The following QRSL1 variants were observed in gnomAD, a reference collection of about 807,000 sequenced individuals.
QRSL1 encodes glutamyl-tRNA(Gln) amidotransferase subunit A, mitochondrial.
QRSL1 carries 54 observed loss-of-function variants against 61.6 expected under a neutral mutation model. That is an observed-to-expected ratio of 0.88 (90% CI 0.70 to 1.10). The LOEUF (loss-of-function observed/expected upper bound fraction) is 1.10, where lower values mean the gene tolerates loss of function less well. Ranked by LOEUF, QRSL1 falls within the 50% of genes least tolerant of loss-of-function variation. The pLI, the probability that QRSL1 is intolerant of heterozygous loss-of-function variation, is 0.00. For missense variants in QRSL1, 505 were observed against 622.6 expected, an observed-to-expected ratio of 0.81 and a Z score of 2.01; for synonymous variants, 228 against 225.7, an observed-to-expected ratio of 1.01 and a Z score of -0.09.
At position 106,643,030 on chromosome 6, in the gene QRSL1, A is replaced by C. The variant is rs560482009; in HGVS notation, c.320A>C (p.Lys107Thr). The C allele has an allele frequency of 2.8e-5, 45 of 1,613,180 alleles. No individual in the cohort carries two copies. The highest frequency in any genetic ancestry group is 3.6e-5 in the Non-Finnish European group (42 of 1,179,644). The part of the protein sequence containing the change: ...IPPYNATVVQ[K>T]LLDQGALLMG... The stretch of plus-strand genomic sequence containing the variant: ...CCTTATAATGCTACAGTAGTTCAGA[A>C]GTTGTTGGATCAGGGAGCTCTACTA... The change falls in exon 4 of 11, where the codon AAG (lysine) becomes ACG (threonine). Residue 107 changes from lysine (K) to threonine (T), a missense_variant. Lys to Thr is a moderately conservative substitution (Grantham distance 78, BLOSUM62 -1). Coordinates refer to ENST00000369046, the MANE Select transcript of QRSL1 (RefSeq NM_018292.5).
intron 1 of QRSL1, among the ~76,000 whole-genome samples, chr6:106,634,309 G>A (rs1036076814): frequency 6.6e-6 from 1 of 152,216 alleles, no homozygotes; most frequent in Non-Finnish European, 1.5e-5. Context: ...GAGCCAAATT[G>A]TGGAGAACCT....
chr6:106,652,728 A>G (rs528024516), intron 7 of QRSL1, 146 bp downstream of exon 7: 15 of 1,539,776 alleles, frequency 9.7e-6, no homozygotes, highest in Non-Finnish European at 1.3e-5. Flanking sequence ...AATCTCTTTT[A>G]GCTCAATTTC....
chr6:106,652,635 G>T (rs1777207548), intron 7 of QRSL1, 53 bp downstream of exon 7: 2 of 1,610,550 alleles, frequency 1.2e-6, no homozygotes, highest in South Asian at 2.2e-5. Flanking sequence ...CCAATAGAGA[G>T]CACAGACTTG....
intron 1 of QRSL1, among the ~76,000 whole-genome samples, chr6:106,636,283 C>G (rs183980361): frequency 4.0e-5 from 6 of 150,326 alleles, no homozygotes; most frequent in African/African-American, 1.5e-4. Flanking sequence ...GTTTTGGAAA[C>G]AAGATGAGTC....
rs1777243024 is a variant in QRSL1 at position 106,654,857 on chromosome 6, G to A, written c.977G>A (p.Cys326Tyr). ...SLPHTSYSIV[C>Y]YHVLCTSEVA... is the part of the protein sequence containing the mutation. ...CCTCACACCAGTTATTCAATTGTCTGCTACCATGTATTGTGCACATCAGAA... is the reference window on the plus strand; with the variant it reads ...CCTCACACCAGTTATTCAATTGTCTACTACCATGTATTGTGCACATCAGAA... Residue 326 changes from cysteine to tyrosine, a missense_variant, in exon 8 of 11, where the codon TGC (cysteine) becomes TAC (tyrosine). Cys to Tyr is a radical substitution (Grantham distance 194). Coordinates refer to ENST00000369046, the MANE Select transcript of QRSL1 (RefSeq NM_018292.5). The A allele has an allele frequency of 6.2e-7, 1 of 1,613,966 alleles. No individual in the cohort carries two copies. The highest frequency in any genetic ancestry group is 8.5e-7 in the Non-Finnish European group (1 of 1,179,882).
chr6:106,665,870 G>T lies in QRSL1; in HGVS notation c.1455G>T (p.Gln485His), dbSNP rs749476820. ...LQFIGRAFCDQQLLTVAKWFE... is the reference protein window; with the variant it reads ...LQFIGRAFCDHQLLTVAKWFE... The stretch of plus-strand genomic sequence containing the variant: ...TTATTGGACGTGCGTTTTGTGACCA[G>T]CAGCTTCTTACAGTAGCCAAATGGT... The change falls in exon 11 of 11, where the codon CAG becomes CAT. Residue 485 changes from glutamine (Q) to histidine (H), a missense_variant. Physicochemically the swap from Gln to His is conservative, Grantham distance 24 (BLOSUM62 0). Transcript: ENST00000369046. 1 of 1,613,976 alleles carries T rather than the reference G, an allele frequency of 6.2e-7. No individual in the cohort carries two copies. The highest frequency in any genetic ancestry group is 2.2e-5 in the East Asian group (1 of 44,888).
At chr6:106,655,159 T>A (rs1330826489) in intron 8 of QRSL1, among the ~76,000 whole-genome samples, 1 of 152,204 alleles carries the variant, frequency 6.6e-6, no homozygotes, top group Non-Finnish European at 1.5e-5. Context: ...TAGTATCTTG[T>A]TGTCATATGC....
intron 10 of QRSL1, among the ~76,000 whole-genome samples, chr6:106,665,373 G>A (rs1032303409): frequency 2.6e-5 from 4 of 152,122 alleles, no homozygotes; most frequent in Admixed American, 6.5e-5. Flanking sequence ...TGCATTTGTC[G>A]TTTGATGAAG....
In QRSL1 at chr6:106,654,765, G is replaced by A; in HGVS notation, c.885G>A (p.Gln295=). The change falls in exon 8 of 11, where the codon CAG becomes CAA. Residue 295 remains glutamine (Q), a synonymous_variant. Transcript: ENST00000369046. ...TACCGGAATTATCAAGTGAAGTACAGTCTCTTTGGTCCAAAGCTGCTGACC... is the reference window on the plus strand; with the variant it reads ...TACCGGAATTATCAAGTGAAGTACAATCTCTTTGGTCCAAAGCTGCTGACC... ...YLVPELSSEV[Q]SLWSKAADLF... 1 of 1,612,518 alleles carries A rather than the reference G, an allele frequency of 6.2e-7. No homozygotes were observed.
chr6:106,665,557 A>T (rs1257073079), intron 10 of QRSL1, among the ~76,000 whole-genome samples: 1 of 152,248 alleles, frequency 6.6e-6, no homozygotes, highest in Non-Finnish European at 1.5e-5. Flanking sequence ...ACTATACAGC[A>T]ATAAGAAATG....
At chr6:106,638,994 T>C (rs1308362188) in intron 1 of QRSL1, among the ~76,000 whole-genome samples, 1 of 152,108 alleles carries the variant, frequency 6.6e-6, no homozygotes, top group Non-Finnish European at 1.5e-5. Context: ...TATTATGAGG[T>C]CACCTTGTCC....
chr6:106,646,623 C>G (rs187883575), intron 4 of QRSL1, among the ~76,000 whole-genome samples: 1 of 151,250 alleles, frequency 6.6e-6, no homozygotes, highest in Admixed American at 6.6e-5. Flanking sequence ...CATAGTGAGG[C>G]CCTGTCTCTA....
At chr6:106,646,952 C>T (rs549969216) in intron 4 of QRSL1, among the ~76,000 whole-genome samples, 11 of 143,844 alleles carry the variant, frequency 7.6e-5, no homozygotes, top group Middle Eastern at 3.9e-3. Context: ...GGCATGAACC[C>T]GGGAGGCAGA....
At chr6:106,639,652 C>T (rs1409740491) in intron 1 of QRSL1, among the ~76,000 whole-genome samples, 1 of 152,096 alleles carries the variant, frequency 6.6e-6, no homozygotes, top group African/African-American at 2.4e-5. Flanking sequence ...ATTATTACTT[C>T]CTACAGGAAA....
chr6:106,658,737 T>G (rs1402553522), intron 9 of QRSL1, among the ~76,000 whole-genome samples: 1 of 152,244 alleles, frequency 6.6e-6, no homozygotes, highest in African/African-American at 2.4e-5. Flanking sequence ...TTCAGGAATT[T>G]GACTGTGATG....
At chr6:106,664,507 C>T (rs1777404042) in intron 10 of QRSL1, among the ~76,000 whole-genome samples, 1 of 152,030 alleles carries the variant, frequency 6.6e-6, no homozygotes, top group Non-Finnish European at 1.5e-5. Flanking sequence ...GTTGATTTCC[C>T]TTTGATTTTT....
At chr6:106,630,835 T>C (rs1274466616) in intron 1 of QRSL1, among the ~76,000 whole-genome samples, 1 of 152,232 alleles carries the variant, frequency 6.6e-6, no homozygotes, top group African/African-American at 2.4e-5. Flanking sequence ...TAATATATAA[T>C]GAGAAATTGA....
intron 1 of QRSL1, among the ~76,000 whole-genome samples, chr6:106,634,756 G>T (rs1018833309): frequency 2.0e-5 from 3 of 151,640 alleles, no homozygotes; most frequent in Non-Finnish European, 4.4e-5. Context: ...ACAGAGCAAG[G>T]CCCTGTCTCA....
intron 9 of QRSL1, among the ~76,000 whole-genome samples, chr6:106,660,052 A>G (rs1236345806): frequency 6.6e-6 from 1 of 152,114 alleles, no homozygotes; most frequent in Non-Finnish European, 1.5e-5. Context: ...TGCAAATTCT[A>G]GCTGCCTTTG....
Sources: gnomAD v4.1 joint callset for allele counts (sites outside exome capture counted in the v4.1 genomes callset) on GRCh38, gnomAD v4.1.1 for gene constraint, MANE v1.5 for transcripts, NCBI Gene and HGNC (gene_info 2026-07-23, HGNC 2026-07-21) for gene names.